AKAP6: variants seen among roughly 807,000 people sequenced by gnomAD.
AKAP6 encodes the protein A-kinase anchor protein 6.
Under a neutral mutation model 188.5 loss-of-function variants are expected in AKAP6, and 58 were observed. The ratio of observed to expected loss-of-function variants is 0.31; its 90% CI spans 0.25 to 0.38. The LOEUF is 0.38. AKAP6 is among the 10% of genes least tolerant of loss of function. The pLI, the probability that AKAP6 is intolerant of heterozygous loss-of-function variation, is 1.00. For synonymous variants in AKAP6, 989 were observed against 998.6 expected (o/e 0.99, Z 0.18); for missense variants, 2,710 against 2,740.0 (o/e 0.99, Z 0.24).
chr14:32,496,576 TA>T (rs541271586), intron 2 of AKAP6, among the ~76,000 whole-genome samples: 123 of 145,504 alleles, frequency 8.5e-4, no homozygotes, highest in East Asian at 2.0e-3. Flanking sequence ...GACTTGAGAT[TA>T]AAAAAAAAAA....
intron 4 of AKAP6, among the ~76,000 whole-genome samples, chr14:32,557,106 A>T (rs1205233288): frequency 4.6e-5 from 7 of 151,584 alleles, no homozygotes; most frequent in Non-Finnish European, 7.4e-5. Flanking sequence ...GTTTTTTGAG[A>T]CAGGGTCTCA....
At chr14:32,813,560 A>G (rs2034303480) in intron 12 of AKAP6, among the ~76,000 whole-genome samples, 1 of 152,108 alleles carries the variant, frequency 6.6e-6, no homozygotes, top group Non-Finnish European at 1.5e-5. Flanking sequence ...GCCATTATGA[A>G]TAACAAAAGG....
chr14:32,633,819 C>T (rs1887377302), intron 7 of AKAP6, among the ~76,000 whole-genome samples: 1 of 152,062 alleles, frequency 6.6e-6, no homozygotes, highest in Non-Finnish European at 1.5e-5. Context: ...AAGGCTTGAC[C>T]ATGTGTTTCC....
chr14:32,546,888 A>G lies in AKAP6; in HGVS notation c.2235A>G (p.Ser745=), dbSNP rs758295954. Residue 745 remains serine (S), a synonymous_variant, in exon 4 of 14, where the codon TCA becomes TCG. Coordinates refer to ENST00000280979, the MANE Select transcript of AKAP6 (RefSeq NM_004274.5). ...CTGATGAGAAGTCAGAAAGAGCTTC[A>G]TCCTCTGAGAAAAATGAGAGCCATT... is the stretch of plus-strand genomic sequence containing the variant. ...KYADEKSERA[S]SSEKNESHSA... is the part of the protein sequence containing the mutation. 2.5e-6 allele frequency: 4 copies of G among 1,614,058 alleles called. No homozygotes were observed. Among genetic ancestry groups the G allele is most frequent in the Non-Finnish European group, 3.4e-6 (4 of 1,180,008 alleles).
rs1173971923 is a variant in AKAP6, at chr14:32,530,334, G to A, written c.325-5220G>A. ...GAGCCACCTCACCCAGACATTAGGG[G>A]AATTTGCCTTTCTTTCCTTCTTTTT... On this transcript the variant is annotated intron_variant, in intron 2 of 13. Transcript: ENST00000280979. 2.0e-5 allele frequency among the ~76,000 whole-genome samples: 3 copies of A among 152,064 alleles called. No individual in the cohort carries two copies. In the East Asian group the frequency reaches 5.8e-4, roughly 29 times the overall value.
intron 9 of AKAP6, among the ~76,000 whole-genome samples, chr14:32,706,299 G>C (rs914340846): frequency 3.3e-5 from 5 of 152,112 alleles, no homozygotes; most frequent in African/African-American, 1.2e-4. Flanking sequence ...TGATAGACTT[G>C]GGTTGGCTCT....
At position 32,395,310 on chromosome 14, in the gene AKAP6, A is replaced by G. The variant is rs141933397; in HGVS notation, c.-34-38150A>G. On this transcript the variant is annotated intron_variant, in intron 1 of 13. Transcript: ENST00000280979. ...CTGAATTATTTGTATAATATATTCT[A>G]GTACTTTATCATTAGTAGCAAGTTA... 7.2e-5 allele frequency among the ~76,000 whole-genome samples: 11 copies of G among 152,288 alleles called. No homozygotes were observed. The East Asian group carries it at 2.1e-3, about 29-fold the overall frequency.
At chr14:32,641,007 G>A (rs1204156472) in intron 7 of AKAP6, among the ~76,000 whole-genome samples, 1 of 152,122 alleles carries the variant, frequency 6.6e-6, no homozygotes, top group Non-Finnish European at 1.5e-5. Flanking sequence ...GTACCACCTA[G>A]AGAATCCTCA....
intron 2 of AKAP6, among the ~76,000 whole-genome samples, chr14:32,489,475 C>A (rs1471316413): frequency 2.0e-5 from 3 of 152,154 alleles, no homozygotes; most frequent in Non-Finnish European, 4.4e-5. Context: ...TCTCAAAGTG[C>A]TGGGATTACA....
At chr14:32,686,183 G>A (rs540664724) in intron 8 of AKAP6, among the ~76,000 whole-genome samples, 1 of 151,318 alleles carries the variant, frequency 6.6e-6, no homozygotes, top group Admixed American at 6.6e-5. Context: ...AAATTCGCCA[G>A]GCACAAGAAG....
chr14:32,344,119 C>T (rs1256220423), intron 1 of AKAP6, among the ~76,000 whole-genome samples: 1 of 152,204 alleles, frequency 6.6e-6, no homozygotes, highest in Non-Finnish European at 1.5e-5. Context: ...CCCTGTGTTC[C>T]CAGTCCCTTT....
At chr14:32,661,601 C>T (rs1888703040) in intron 7 of AKAP6, among the ~76,000 whole-genome samples, 1 of 152,094 alleles carries the variant, frequency 6.6e-6, no homozygotes, top group Non-Finnish European at 1.5e-5. Flanking sequence ...GACTTGATGC[C>T]ATACCCCGGC....
intron 12 of AKAP6, among the ~76,000 whole-genome samples, chr14:32,815,181 A>G (rs74576537): frequency 0.011 from 1,719 of 152,342 alleles, 27 homozygotes; most frequent in African/African-American, 0.038. Context: ...TGTCCGTGTC[A>G]GTACTGATTT....
At chr14:32,713,691 CCT>C (rs2030020728) in intron 9 of AKAP6, among the ~76,000 whole-genome samples, 1 of 152,082 alleles carries the variant, frequency 6.6e-6, no homozygotes, top group Admixed American at 6.6e-5. Context: ...AGCTTCCTCA[CCT>C]CTCTTAGCCT....
chr14:32,578,640 A>C (rs1884833735), intron 5 of AKAP6, among the ~76,000 whole-genome samples: 1 of 152,178 alleles, frequency 6.6e-6, no homozygotes, highest in Admixed American at 6.6e-5. Flanking sequence ...TCTGTGTTTA[A>C]ACAGGAGTAT....
At chr14:32,658,103 C>G (rs1400189059) in intron 7 of AKAP6, among the ~76,000 whole-genome samples, 1 of 151,992 alleles carries the variant, frequency 6.6e-6, no homozygotes. Flanking sequence ...GAAACTGGTG[C>G]TTTCTTTGAT....
intron 5 of AKAP6, among the ~76,000 whole-genome samples, chr14:32,590,743 CAA>C (rs1472147443): frequency 6.6e-6 from 1 of 151,988 alleles, no homozygotes; most frequent in East Asian, 1.9e-4. Flanking sequence ...TCGCCTTTGA[CAA>C]AAAACACCAG....
chr14:32,696,185 A>C, intron 9 of AKAP6, 75 bp downstream of exon 9: 4 of 1,487,824 alleles, frequency 2.7e-6, no homozygotes, highest in Non-Finnish European at 3.6e-6. Flanking sequence ...TCTCTCTCTC[A>C]GGATATCTTT....
chr14:32,510,421 T>C (rs1881151830), intron 2 of AKAP6, among the ~76,000 whole-genome samples: 1 of 98,556 alleles, frequency 1.0e-5, no homozygotes, highest in South Asian at 2.5e-4. Flanking sequence ...TATGTATATA[T>C]ATACATATAT....
Sources: gnomAD v4.1 joint callset for allele counts (sites outside exome capture counted in the v4.1 genomes callset) on GRCh38, gnomAD v4.1.1 for gene constraint, MANE v1.5 for transcripts, NCBI Gene and HGNC (gene_info 2026-07-23, HGNC 2026-07-21) for gene names.